Variants in CHODL observed in about 807,000 individuals in gnomAD.
The protein encoded by CHODL is chondrolectin.
Under a neutral mutation model 34.5 loss-of-function variants are expected in CHODL, and 29 were observed. The ratio of observed to expected loss-of-function variants is 0.84; its 90% CI spans 0.63 to 1.15. CHODL has a LOEUF of 1.15. Ranked by LOEUF, CHODL falls within the 50% of genes most tolerant of loss-of-function variation. The probability of loss-of-function intolerance (pLI) is 0.00; values close to 1 mark genes in which losing one functional copy is unlikely to be tolerated. For missense variants in CHODL, 332 were observed against 332.5 expected (o/e 1.00, Z 0.01); for synonymous variants, 125 against 116.1 (o/e 1.08, Z -0.49).
chr21:18,059,655 C>A (rs1350580327), intron 2 of CHODL, among the ~76,000 whole-genome samples: 1 of 152,120 alleles, frequency 6.6e-6, no homozygotes, highest in Non-Finnish European at 1.5e-5. Context: ...CTCCCCAGCA[C>A]CCCCAATAGG....
chr21:18,005,391 C>A (rs1450674449), intron 1 of CHODL, among the ~76,000 whole-genome samples: 2 of 152,194 alleles, frequency 1.3e-5, no homozygotes, highest in Non-Finnish European at 2.9e-5. Flanking sequence ...AATAAAGAGA[C>A]TTTAAATTAC....
At chr21:17,973,232 GAA>G (rs1037773743) in intron 1 of CHODL, among the ~76,000 whole-genome samples, 5 of 151,982 alleles carry the variant, frequency 3.3e-5, no homozygotes, top group Non-Finnish European at 7.4e-5. Flanking sequence ...TAGGCATGGG[GAA>G]AGACTTCATG....
chr21:18,244,711 A>AT (rs2074115167), upstream of CHODL: 1 of 152,968 alleles, frequency 6.5e-6, no homozygotes, highest in South Asian at 2.1e-4. Flanking sequence ...TCCCGTGTTT[A>AT]GGGGAGGTGC....
chr21:18,026,091 G>A (rs1239796871), intron 1 of CHODL, among the ~76,000 whole-genome samples: 1 of 152,080 alleles, frequency 6.6e-6, no homozygotes, highest in Non-Finnish European at 1.5e-5. Context: ...TGTCTATTTT[G>A]ATATACTAAG....
intron 2 of CHODL, among the ~76,000 whole-genome samples, chr21:18,151,661 T>C (rs1458538147): frequency 1.3e-5 from 2 of 152,194 alleles, no homozygotes; most frequent in African/African-American, 4.8e-5. Flanking sequence ...GGAATAGTCA[T>C]GTGGGACTGA....
At chr21:17,965,109 T>G (rs1421351663) in intron 1 of CHODL, among the ~76,000 whole-genome samples, 1 of 152,182 alleles carries the variant, frequency 6.6e-6, no homozygotes, top group Non-Finnish European at 1.5e-5. Flanking sequence ...CTTAAACCAT[T>G]TATTTTTAAT....
intron 1 of CHODL, among the ~76,000 whole-genome samples, chr21:18,012,147 G>A (rs565575900): frequency 1.4e-4 from 21 of 152,192 alleles, no homozygotes; most frequent in South Asian, 4.1e-4. Flanking sequence ...TGGTGGATGG[G>A]CATTTGAAGG....
intron 1 of CHODL, among the ~76,000 whole-genome samples, chr21:17,971,504 A>G (rs538257119): frequency 5.3e-5 from 8 of 152,062 alleles, no homozygotes; most frequent in East Asian, 3.9e-4. Context: ...CCTTTTTTTC[A>G]TATGTTTGTT....
chr21:17,942,653 C>T (rs1441050211), intron 1 of CHODL, among the ~76,000 whole-genome samples: 1 of 151,910 alleles, frequency 6.6e-6, no homozygotes, highest in East Asian at 1.9e-4. Flanking sequence ...TTAAAGATAC[C>T]ACAAAAATTT....
chr21:18,151,695 G>A (rs1355592176), intron 2 of CHODL, among the ~76,000 whole-genome samples: 1 of 152,130 alleles, frequency 6.6e-6, no homozygotes, highest in Non-Finnish European at 1.5e-5. Flanking sequence ...GGGATTTGAT[G>A]CTATTTCTAG....
intron 2 of CHODL, among the ~76,000 whole-genome samples, chr21:18,028,259 T>TCC (rs2064200991): frequency 1.8e-5 from 2 of 113,498 alleles, no homozygotes; most frequent in African/African-American, 3.5e-5. Flanking sequence ...TTTCCTTTTC[T>TCC]TTTTCTTTTT....
At chr21:17,947,272 A>G (rs373382376) in intron 1 of CHODL, among the ~76,000 whole-genome samples, 2 of 152,278 alleles carry the variant, frequency 1.3e-5, no homozygotes, top group East Asian at 3.9e-4. Flanking sequence ...CAGGTCAATG[A>G]AGATATTAAA....
intron 2 of CHODL, among the ~76,000 whole-genome samples, chr21:18,079,739 T>C (rs1005499786): frequency 5.7e-5 from 6 of 104,738 alleles, no homozygotes; most frequent in African/African-American, 8.2e-5. Flanking sequence ...ATCTTTCTGA[T>C]GTAATAATAC....
intron 2 of CHODL, among the ~76,000 whole-genome samples, chr21:18,231,913 T>C (rs973045649): frequency 6.6e-6 from 1 of 152,112 alleles, no homozygotes; most frequent in South Asian, 2.1e-4. Flanking sequence ...TATAGTTTTA[T>C]ATAATAAAAT....
At chr21:18,022,430 G>C (rs371948222) in intron 1 of CHODL, 12 of 152,250 alleles carry the variant, frequency 7.9e-5, no homozygotes, top group African/African-American at 2.9e-4. Context: ...TGAGATTCTT[G>C]ATTTAATTAC....
chr21:18,076,604 C>G (rs1202480316), intron 2 of CHODL, among the ~76,000 whole-genome samples: 3 of 152,120 alleles, frequency 2.0e-5, no homozygotes, highest in Non-Finnish European at 4.4e-5. Context: ...AATGAGAGAG[C>G]CTATCTGGGA....
At chr21:17,937,848 T>A (rs192145185) in intron 1 of CHODL, among the ~76,000 whole-genome samples, 2 of 152,324 alleles carry the variant, frequency 1.3e-5, no homozygotes, top group East Asian at 3.9e-4. Flanking sequence ...TTAATCATTA[T>A]TTCATGCTGA....
At chr21:18,031,714 A>G (rs2064250165) in intron 2 of CHODL, among the ~76,000 whole-genome samples, 2 of 152,062 alleles carry the variant, frequency 1.3e-5, no homozygotes, top group South Asian at 4.1e-4. Context: ...TGTATTAGGT[A>G]GAGGGGGATA....
chr21:18,100,089 TAAA>T (rs1210485327), intron 2 of CHODL: 1 of 151,754 alleles, frequency 6.6e-6, no homozygotes, highest in Non-Finnish European at 1.5e-5. Context: ...CAAATAAAAA[TAAA>T]AATAAATAAG....
Sources: allele counts gnomAD v4.1 joint callset (sites outside exome capture counted in the v4.1 genomes callset), GRCh38; gene constraint gnomAD v4.1.1; transcripts MANE v1.5; gene names NCBI Gene and HGNC (gene_info 2026-07-23, HGNC 2026-07-21).